PRH1: variants seen among roughly 807,000 people sequenced by gnomAD.
PRH1 encodes the protein salivary acidic proline-rich phosphoprotein 1/2.
PRH1 carries 7 observed loss-of-function variants against 7.9 expected under a neutral mutation model. That is an observed-to-expected ratio of 0.89 (90% CI 0.50 to 1.67). The LOEUF (loss-of-function observed/expected upper bound fraction) is 1.67, where lower values mean the gene tolerates loss of function less well. PRH1 is among the 40% of genes most tolerant of loss of function. PRH1 has a pLI of 0.00. For missense variants in PRH1, 109 were observed against 223.6 expected (o/e 0.49, Z 3.27); for synonymous variants, 45 against 80.8 (o/e 0.56, Z 2.38).
At chr12:11,111,592 C>A (rs1381517368) in intron 1 of PRH1, among the ~76,000 whole-genome samples, 1 of 152,108 alleles carries the variant, frequency 6.6e-6, no homozygotes, top group African/African-American at 2.4e-5. Flanking sequence ...TAAATAAGTT[C>A]TTTGAAACCA....
At chr12:11,043,658 G>T (rs776445415) in intron 1 of PRH1, among the ~76,000 whole-genome samples, 1 of 151,954 alleles carries the variant, frequency 6.6e-6, no homozygotes, top group South Asian at 2.1e-4. Context: ...TGAACAATCT[G>T]AAAACAAAAT....
intron 1 of PRH1, among the ~76,000 whole-genome samples, chr12:11,071,823 C>A (rs770286219): frequency 6.6e-6 from 1 of 152,190 alleles, no homozygotes; most frequent in Non-Finnish European, 1.5e-5. Context: ...CAGACCCCTG[C>A]ATGGTAGAAA....
intron 2 of PRH1, among the ~76,000 whole-genome samples, chr12:10,948,775 C>T (rs915233019): frequency 6.6e-6 from 1 of 152,112 alleles, no homozygotes; most frequent in Non-Finnish European, 1.5e-5. Context: ...ATATTAGGCA[C>T]AGTAAATAGA....
At chr12:11,120,666 AT>A (rs1363330865), downstream of PRH1, among the ~76,000 whole-genome samples, 3 of 151,280 alleles carry the variant, frequency 2.0e-5, no homozygotes, top group East Asian at 5.8e-4. Context: ...TTTTTTAAAT[AT>A]TTTATCCAGA....
At chr12:11,159,262 G>A (rs1462560746) in intron 1 of PRH1, 4 of 151,420 alleles carry the variant, frequency 2.6e-5, no homozygotes, top group African/African-American at 9.7e-5. Flanking sequence ...GACATAAAAA[G>A]GTAAACAAAC....
chr12:11,116,838 A>G (rs1431113730), downstream of PRH1, among the ~76,000 whole-genome samples: 1 of 152,168 alleles, frequency 6.6e-6, no homozygotes, highest in Admixed American at 6.5e-5. Context: ...AAACGTTTTA[A>G]TTAATGCTGA....
chr12:10,941,295 A>G (rs1950396243), intron 2 of PRH1, among the ~76,000 whole-genome samples: 4 of 152,208 alleles, frequency 2.6e-5, no homozygotes, highest in African/African-American at 7.2e-5. Context: ...CTAGGTTTTC[A>G]TTGGAACAAC....
At position 10,955,500 on chromosome 12, in the gene PRH1, AACATAACTTC is replaced by A. The variant is rs753103642; in HGVS notation, c.-59+18145_-59+18154del. ...AAAGTTAGAATGATCTCAAATTAAT[AACATAACTTC>A]ACAAGAGAAACTAAACAAACAAGAG... is the stretch of plus-strand genomic sequence containing the variant. On this transcript the variant is annotated intron_variant, in intron 2 of 3. Transcript: ENST00000539853. Among the ~76,000 whole-genome samples, 29 of 152,148 alleles carry A rather than the reference AACATAACTTC, an allele frequency of 1.9e-4. 1 individual carries two copies. The highest frequency in any genetic ancestry group is 7.4e-5 in the Non-Finnish European group (5 of 68,006).
intron 1 of PRH1, among the ~76,000 whole-genome samples, chr12:11,156,285 C>T (rs1200562430): frequency 6.6e-6 from 1 of 152,152 alleles, no homozygotes; most frequent in African/African-American, 2.4e-5. Flanking sequence ...TCTCAGGCTA[C>T]TTTTCAAATT....
intron 2 of PRH1, among the ~76,000 whole-genome samples, chr12:10,945,762 C>T (rs953290361): frequency 2.0e-5 from 3 of 152,142 alleles, no homozygotes; most frequent in African/African-American, 4.8e-5. Context: ...GAGACCAGAG[C>T]TTATTTCATC....
chr12:11,122,343 A>G (rs905026120), intron 1 of PRH1, among the ~76,000 whole-genome samples: 16 of 152,372 alleles, frequency 1.1e-4, no homozygotes, highest in Middle Eastern at 3.4e-3. Context: ...CCCATCTCCA[A>G]TCACCACAGC....
intron 1 of PRH1, chr12:10,997,274 G>C (rs149630274): frequency 6.2e-7 from 1 of 1,614,124 alleles, no homozygotes; most frequent in East Asian, 2.2e-5. Flanking sequence ...TTTACACAGA[G>C]AGTAGATTAA....
intron 1 of PRH1, among the ~76,000 whole-genome samples, chr12:11,122,233 A>C (rs1474467790): frequency 1.3e-5 from 2 of 152,360 alleles, no homozygotes; most frequent in East Asian, 3.9e-4. Flanking sequence ...TGGCTATTAC[A>C]CTGTTCCCAG....
chr12:11,042,336 CTA>C (rs967041837), intron 1 of PRH1, among the ~76,000 whole-genome samples: 8 of 151,730 alleles, frequency 5.3e-5, no homozygotes, highest in Non-Finnish European at 1.2e-4. Flanking sequence ...GTATGAACAA[CTA>C]TATATCAATA....
Position 11,092,673 on chromosome 12 carries a change from G to C in PRH1, n.124-45485C>G, listed in dbSNP as rs1944966484. Among the ~76,000 whole-genome samples, 2 of 115,314 alleles carry C rather than the reference G, an allele frequency of 1.7e-5. 1 individual carries two copies. Among genetic ancestry groups the C allele is most frequent in the African/African-American group, 5.8e-5 (2 of 34,308 alleles). 75.7% of individuals were successfully genotyped at this position (115,314 alleles called of 152,430 possible). A position where few individuals can be genotyped will look rare whatever the true frequency, so the allele number is the denominator to read the frequency against. Reference sequence around the variant, plus strand: ...GCTGTGGTTTTACAGTGCGCTGATTGGTGCATTTTACAATCCCCTTGCTAG... The same window carrying C: ...GCTGTGGTTTTACAGTGCGCTGATTCGTGCATTTTACAATCCCCTTGCTAG... On this transcript the variant is annotated intron_variant and non_coding_transcript_variant, in intron 1 of 4. Coordinates refer to the PRH1 transcript ENST00000541977.
At chr12:11,164,173 G>T (rs558692561) in intron 1 of PRH1, among the ~76,000 whole-genome samples, 2 of 152,326 alleles carry the variant, frequency 1.3e-5, no homozygotes, top group Admixed American at 1.3e-4. Flanking sequence ...TTCTAGAAGA[G>T]ATGAGCATTG....
chr12:10,941,334 G>GA (rs1281844528), intron 2 of PRH1, among the ~76,000 whole-genome samples: 2 of 152,178 alleles, frequency 1.3e-5, no homozygotes, highest in Admixed American at 1.3e-4. Flanking sequence ...ATCTTTTTCA[G>GA]AAAAAGAGCA....
intron 2 of PRH1, among the ~76,000 whole-genome samples, chr12:10,940,861 G>C (rs186140646): frequency 7.9e-4 from 120 of 152,280 alleles, no homozygotes; most frequent in Middle Eastern, 3.4e-3. Context: ...ATGAAGAACT[G>C]ATCCCTCACC....
At chr12:11,125,562 C>T (rs369504393) in intron 1 of PRH1, among the ~76,000 whole-genome samples, 1 of 151,858 alleles carries the variant, frequency 6.6e-6, no homozygotes, top group Non-Finnish European at 1.5e-5. Context: ...CTGTAATATT[C>T]AAAAAATTTG....
Sources: allele counts gnomAD v4.1 joint callset (sites outside exome capture counted in the v4.1 genomes callset), GRCh38; gene constraint gnomAD v4.1.1; transcripts MANE v1.5; gene names NCBI Gene and HGNC (gene_info 2026-07-23, HGNC 2026-07-21).